ASAP1: variants seen among roughly 807,000 people sequenced by gnomAD.
The protein encoded by ASAP1 is ArfGAP with SH3 domain, ankyrin repeat and PH domain 1, also known as arf-GAP with SH3 domain, ANK repeat and PH domain-containing protein 1.
Under a neutral mutation model 145.2 loss-of-function variants are expected in ASAP1, and 43 were observed. The ratio of observed to expected loss-of-function variants is 0.30; its 90% CI spans 0.23 to 0.38. The LOEUF (loss-of-function observed/expected upper bound fraction) is 0.38, where lower values mean the gene tolerates loss of function less well. ASAP1 is among the 10% of genes least tolerant of loss of function. The pLI, the probability that ASAP1 is intolerant of heterozygous loss-of-function variation, is 1.00. For synonymous variants in ASAP1, 546 were observed against 515.5 expected, an observed-to-expected ratio of 1.06 and a Z score of -0.80; for missense variants, 1,018 against 1,355.3, an observed-to-expected ratio of 0.75 and a Z score of 3.91.
chr8:130,356,157 CT>C (rs1435115468), intron 3 of ASAP1, among the ~76,000 whole-genome samples: 1 of 152,152 alleles, frequency 6.6e-6, no homozygotes, highest in African/African-American at 2.4e-5. Flanking sequence ...AACATTAACC[CT>C]CTACTACAGG....
intron 20 of ASAP1, 104 bp from the exon 21 acceptor site, chr8:130,117,099 C>A: frequency 3.0e-6 from 2 of 674,496 alleles, no homozygotes; most frequent in Non-Finnish European, 2.5e-6. Context: ...AATTTGAGAC[C>A]TAATTATTAT....
At chr8:130,429,313 A>G (rs1830057813) in intron 1 of ASAP1, among the ~76,000 whole-genome samples, 1 of 152,140 alleles carries the variant, frequency 6.6e-6, no homozygotes, top group South Asian at 2.1e-4. Flanking sequence ...CTTCATCACC[A>G]CTGTCATCAG....
At chr8:130,130,296 G>A (rs1282301870) in intron 15 of ASAP1, among the ~76,000 whole-genome samples, 1 of 152,296 alleles carries the variant, frequency 6.6e-6, no homozygotes, top group South Asian at 2.1e-4. Context: ...GTTCTAGGCT[G>A]GATTCTGTCA....
chr8:130,370,368 G>A (rs999061194), intron 2 of ASAP1, among the ~76,000 whole-genome samples: 3 of 152,110 alleles, frequency 2.0e-5, no homozygotes, highest in Admixed American at 6.5e-5. Context: ...AGCCATATAA[G>A]GACACAATGA....
intron 2 of ASAP1, among the ~76,000 whole-genome samples, chr8:130,391,865 G>C (rs574162820): frequency 1.3e-5 from 2 of 152,362 alleles, no homozygotes; most frequent in East Asian, 3.9e-4. Flanking sequence ...AGCACTCACA[G>C]TCCTCACACA....
chr8:130,184,678 G>A (rs1052464343), intron 7 of ASAP1, among the ~76,000 whole-genome samples: 12 of 152,172 alleles, frequency 7.9e-5, no homozygotes, highest in African/African-American at 2.9e-4. Context: ...ATTACATGCT[G>A]ACAGAGTAAG....
intron 3 of ASAP1, among the ~76,000 whole-genome samples, chr8:130,240,189 T>A (rs1326165665): frequency 2.0e-5 from 3 of 152,146 alleles, no homozygotes; most frequent in Non-Finnish European, 2.9e-5. Context: ...TTCTGTTCAA[T>A]GTTTACCAAC....
At chr8:130,088,016 A>T (rs1357986412) in intron 25 of ASAP1, among the ~76,000 whole-genome samples, 1 of 152,198 alleles carries the variant, frequency 6.6e-6, no homozygotes, top group South Asian at 2.1e-4. Context: ...AAGCTGTGGT[A>T]GGCTGAATAA....
intron 5 of ASAP1, among the ~76,000 whole-genome samples, chr8:130,195,781 A>G (rs1012260104): frequency 2.0e-5 from 3 of 152,212 alleles, no homozygotes; most frequent in Non-Finnish European, 4.4e-5. Context: ...TATTCCTTAC[A>G]ATTGCTTCAA....
intron 3 of ASAP1, among the ~76,000 whole-genome samples, chr8:130,320,369 G>A (rs1203553329): frequency 2.0e-5 from 3 of 152,004 alleles, no homozygotes; most frequent in Admixed American, 6.6e-5. Flanking sequence ...CAGCCTGAGC[G>A]ACATGACAAA....
chr8:130,302,287 A>G (rs1316988027), intron 3 of ASAP1, among the ~76,000 whole-genome samples: 1 of 152,270 alleles, frequency 6.6e-6, no homozygotes, highest in Non-Finnish European at 1.5e-5. Context: ...AGGGCTGCTA[A>G]AAGAATAAAT....
intron 5 of ASAP1, among the ~76,000 whole-genome samples, chr8:130,194,117 G>C (rs1815322895): frequency 6.6e-6 from 1 of 152,128 alleles, no homozygotes; most frequent in Admixed American, 6.6e-5. Flanking sequence ...AATCATGAAC[G>C]CAAAACATGT....
intron 15 of ASAP1, among the ~76,000 whole-genome samples, chr8:130,131,941 G>A (rs2097583819): frequency 6.6e-6 from 1 of 152,184 alleles, no homozygotes; most frequent in South Asian, 2.1e-4. Context: ...AGTTCTAAGA[G>A]TAAATAAAAT....
intron 3 of ASAP1, among the ~76,000 whole-genome samples, chr8:130,328,327 G>A (rs995274205): frequency 2.6e-5 from 4 of 152,330 alleles, no homozygotes; most frequent in Non-Finnish European, 5.9e-5. Context: ...AAATAATACA[G>A]TAGTCAATAG....
At chr8:130,219,262 G>A (rs1443492633) in intron 4 of ASAP1, among the ~76,000 whole-genome samples, 1 of 126,808 alleles carries the variant, frequency 7.9e-6, no homozygotes, top group Non-Finnish European at 1.8e-5. Flanking sequence ...TCACACACAT[G>A]TCCCCTAACA....
chr8:130,119,892 TGA>T (rs1230314742), intron 18 of ASAP1, among the ~76,000 whole-genome samples: 1 of 152,174 alleles, frequency 6.6e-6, no homozygotes, highest in Non-Finnish European at 1.5e-5. Flanking sequence ...TTCTTCCTTC[TGA>T]GAGGGCTCTA....
intron 3 of ASAP1, among the ~76,000 whole-genome samples, chr8:130,248,435 G>A (rs1342663074): frequency 6.6e-6 from 1 of 152,142 alleles, no homozygotes; most frequent in East Asian, 1.9e-4. Context: ...AAGCATCAGG[G>A]AGATCAGATG....
chr8:130,396,633 C>T (rs1828542498), intron 2 of ASAP1, among the ~76,000 whole-genome samples: 1 of 152,230 alleles, frequency 6.6e-6, no homozygotes, highest in Non-Finnish European at 1.5e-5. Flanking sequence ...ACTATGTTAG[C>T]AATGCAGAGT....
chr8:130,276,687 A>AACACACAC lies in ASAP1; in HGVS notation c.187-39701_187-39694dup, dbSNP rs1161892776. On this transcript the variant is annotated intron_variant, in intron 3 of 29. Coordinates refer to ENST00000518721, the MANE Select transcript of ASAP1 (RefSeq NM_018482.4). ...ACGTGAACTGAGAGCCAAGACTGCA[A>AACACACAC]ACACACACACACACACACACACACA... Among the ~76,000 whole-genome samples, 441 of 91,616 alleles carry AACACACAC rather than the reference A, an allele frequency of 4.8e-3. 3 individuals carry two copies. The highest frequency in any genetic ancestry group is 0.012 in the African/African-American group (284 of 23,776). The allele number at this position is 91,616 out of a possible 152,430, so 60.1% of individuals were successfully genotyped here. A position where few individuals can be genotyped will look rare whatever the true frequency, so the allele number is the denominator to read the frequency against.
Sources: gnomAD v4.1 joint callset for allele counts (sites outside exome capture counted in the v4.1 genomes callset) on GRCh38, gnomAD v4.1.1 for gene constraint, MANE v1.5 for transcripts, NCBI Gene and HGNC (gene_info 2026-07-23, HGNC 2026-07-21) for gene names.